GNA15: variants seen among roughly 807,000 people sequenced by gnomAD.
GNA15 encodes the protein guanine nucleotide-binding protein subunit alpha-15.
GNA15 carries 23 observed loss-of-function variants against 40.1 expected under a neutral mutation model. That is an observed-to-expected ratio of 0.57 (90% CI 0.41 to 0.81). The LOEUF is 0.81. Among genes scored for constraint, GNA15 ranks in the 40% least tolerant of loss-of-function variants. The pLI is 0.00. For synonymous variants in GNA15, 226 were observed against 210.4 expected (o/e 1.07, Z -0.64); for missense variants, 522 against 515.8 (o/e 1.01, Z -0.12).
At chr19:3,158,984 G>T (rs1915088102) in intron 6 of GNA15, among the ~76,000 whole-genome samples, 1 of 151,658 alleles carries the variant, frequency 6.6e-6, no homozygotes, top group Non-Finnish European at 1.5e-5. Context: ...TCCCTAATTG[G>T]ATAGCAATTT....
At position 3,148,665 on chromosome 19, in the gene GNA15, G is replaced by C. The variant is rs573354292; in HGVS notation, c.220G>C (p.Glu74Gln). 1 of 1,592,444 alleles carries C rather than the reference G, an allele frequency of 6.3e-7. No homozygotes were observed. Among genetic ancestry groups the C allele is most frequent in the Non-Finnish European group, 8.5e-7 (1 of 1,169,678 alleles). ...IIHGAGYSEE[E>Q]RKGFRPLVYQ... ...CCACGGCGCCGGCTACTCGGAGGAGGAGCGCAAGGGCTTCCGGCCCCTGGT... is the reference window on the plus strand; with the variant it reads ...CCACGGCGCCGGCTACTCGGAGGAGCAGCGCAAGGGCTTCCGGCCCCTGGT... Residue 74 changes from glutamate (E) to glutamine (Q), a missense_variant, in exon 2 of 7, where the codon GAG (glutamate) becomes CAG (glutamine). Physicochemically the swap from Glu to Gln is conservative, Grantham distance 29. Transcript: ENST00000262958.
chr19:3,144,534 T>C (rs910376261), intron 1 of GNA15, among the ~76,000 whole-genome samples: 1 of 150,770 alleles, frequency 6.6e-6, no homozygotes, highest in African/African-American at 2.4e-5. Flanking sequence ...TTATATTTTA[T>C]TTATTTTTTT....
rs369180412 is a variant in GNA15 at position 3,136,982 on chromosome 19, G to A, written c.145+387G>A. On this transcript the variant is annotated intron_variant, in intron 1 of 6. Coordinates refer to ENST00000262958, the MANE Select transcript of GNA15 (RefSeq NM_002068.4). This position sits in a 1 kb window ranked among gnomAD's most constrained non-coding sequence, Gnocchi z 4.9. ...CCAGCCCACCCGTAAGGGAGGGGCCGGCTCCAGCCTCTCCTTCACCAGGAC... is the reference window on the plus strand; with the variant it reads ...CCAGCCCACCCGTAAGGGAGGGGCCAGCTCCAGCCTCTCCTTCACCAGGAC... 9.8e-5 allele frequency among the ~76,000 whole-genome samples: 15 copies of A among 152,318 alleles called. No individual in the cohort carries two copies. The highest frequency in any genetic ancestry group is 3.4e-4 in the African/African-American group (14 of 41,582).
chr19:3,149,032 G>GGC lies in GNA15; in HGVS notation c.330+257_330+258insGC, dbSNP rs1555706379. ...GCACACGCACAGACATGCACACAAG[G>GGC]ACACACACGTACATGCTCACAAAGA... On this transcript the variant is annotated intron_variant, in intron 2 of 6. Coordinates refer to ENST00000262958, the MANE Select transcript of GNA15 (RefSeq NM_002068.4). 39 of 403,764 alleles carry GGC rather than the reference G, an allele frequency of 9.7e-5. No individual in the cohort carries two copies. In the African/African-American group the frequency reaches 1.4e-3, roughly 15 times the overall value. The allele number at this position is 403,764 out of a possible 1,614,324, so 25.0% of individuals were successfully genotyped here.
Position 3,151,482 on chromosome 19 carries a change from C to T in GNA15, c.486-225C>T, listed in dbSNP as rs150399018. On this transcript the variant is annotated intron_variant, in intron 3 of 6. Transcript: ENST00000262958. This position sits in a 1 kb window ranked among gnomAD's most constrained non-coding sequence, Gnocchi z 5.0. ...CTCGATGAGGCCATTCCTCATGTCA[C>T]GCCATCCCTCGGGTCACCCTGCTCT... Among the ~76,000 whole-genome samples, 2,287 of 152,244 alleles carry T rather than the reference C, an allele frequency of 0.015. 29 individuals carry two copies. Among genetic ancestry groups the T allele is most frequent in the Non-Finnish European group, 0.021 (1,442 of 68,000 alleles).
chr19:3,145,432 C>T lies in GNA15; in HGVS notation c.146-3159C>T, dbSNP rs188282364. ...GTCTTGAACTCCTTGGCCCAAGCCGCCCCCCTCCCTTAGCTTCCCAAAGCA... is the reference window on the plus strand; with the variant it reads ...GTCTTGAACTCCTTGGCCCAAGCCGTCCCCCTCCCTTAGCTTCCCAAAGCA... On this transcript the variant is annotated intron_variant, in intron 1 of 6. Coordinates refer to ENST00000262958, the MANE Select transcript of GNA15 (RefSeq NM_002068.4). Among the ~76,000 whole-genome samples, 26 of 135,600 alleles carry T rather than the reference C, an allele frequency of 1.9e-4. 1 individual carries two copies. Among genetic ancestry groups the T allele is most frequent in the Middle Eastern group, 3.8e-3 (1 of 264 alleles). 89.0% of individuals were successfully genotyped at this position (135,600 alleles called of 152,430 possible).
At chr19:3,152,547 A>G (rs746460155) in intron 4 of GNA15, among the ~76,000 whole-genome samples, 8 of 152,088 alleles carry the variant, frequency 5.3e-5, no homozygotes, top group Non-Finnish European at 1.2e-4. Flanking sequence ...AGAGGTGGGA[A>G]TGGCCAGTGC....
Position 3,155,796 on chromosome 19 carries a change from G to C in GNA15, c.615-27G>C, listed in dbSNP as rs1369440535. 5.0e-6 allele frequency: 8 copies of C among 1,608,322 alleles called. No homozygotes were observed. The highest frequency in any genetic ancestry group is 2.7e-5 in the African/African-American group (2 of 74,912). ...GTCACGGAGCAGGCTCCTGAGCTCTGAAAGGGGGCACCTCGGTTCCCTGTA... is the reference window on the plus strand; with the variant it reads ...GTCACGGAGCAGGCTCCTGAGCTCTCAAAGGGGGCACCTCGGTTCCCTGTA... On this transcript the variant is annotated intron_variant, in intron 4 of 6. Coordinates refer to ENST00000262958, the MANE Select transcript of GNA15 (RefSeq NM_002068.4). This position sits in a 1 kb window ranked among gnomAD's most constrained non-coding sequence, Gnocchi z 5.6.
intron 4 of GNA15, among the ~76,000 whole-genome samples, chr19:3,153,727 G>A (rs1176537067): frequency 4.1e-5 from 6 of 146,160 alleles, no homozygotes; most frequent in African/African-American, 1.5e-4. Flanking sequence ...TGGATGAATG[G>A]GTGGGTGAAT....
At position 3,136,752 on chromosome 19, in the gene GNA15, C is replaced by T. The variant is rs1914467786; in HGVS notation, c.145+157C>T. Among the ~76,000 whole-genome samples the T allele has an allele frequency of 6.6e-6, 1 of 152,206 alleles. No homozygotes were observed. Among genetic ancestry groups the T allele is most frequent in the Non-Finnish European group, 1.5e-5 (1 of 68,032 alleles). ...AATGGGGAGCCTGGAACCCATTTTC[C>T]AGATGAGAAAGACTGAGGTTCAGAG... On this transcript the variant is annotated intron_variant, in intron 1 of 6. Transcript: ENST00000262958. This position sits in a 1 kb window ranked among gnomAD's most constrained non-coding sequence, Gnocchi z 4.9.
At chr19:3,156,163 G>GACACACACACACACAC (rs141415003) in intron 5 of GNA15, among the ~76,000 whole-genome samples, 1 of 136,042 alleles carries the variant, frequency 7.4e-6, no homozygotes, top group African/African-American at 2.7e-5. Context: ...CAGGACCCCA[G>GACACACACACACACAC]ACACACACAC....
At chr19:3,143,693 C>G (rs1176364422) in intron 1 of GNA15, among the ~76,000 whole-genome samples, 2 of 152,040 alleles carry the variant, frequency 1.3e-5, no homozygotes, top group Admixed American at 1.3e-4. Context: ...CCCATAGGCT[C>G]TAGACTCAAA....
chr19:3,157,791 A>C lies in GNA15; in HGVS notation c.808A>C (p.Thr270Pro). The C allele has an allele frequency of 6.2e-7, 1 of 1,613,530 alleles. No homozygotes were observed. ...TILELPWFKS[T>P]SVILFLNKTD... is the part of the protein sequence containing the mutation. ...CCTGGAACTACCCTGGTTCAAAAGC[A>C]CATCCGTCATCCTCTTTCTCAACAA... Residue 270 changes from threonine (T) to proline (P), a missense_variant, in exon 6 of 7, where the codon ACA becomes CCA. Physicochemically the swap from Thr to Pro is conservative, Grantham distance 38 (BLOSUM62 -1). Coordinates refer to ENST00000262958, the MANE Select transcript of GNA15 (RefSeq NM_002068.4).
chr19:3,163,058 G>A lies in GNA15; in HGVS notation c.*39G>A, dbSNP rs1915176835. 7.6e-7 allele frequency: 1 copy of A among 1,322,538 alleles called. No homozygotes were observed. The highest frequency in any genetic ancestry group is 1.1e-6 in the Non-Finnish European group (1 of 917,404). 81.9% of individuals were successfully genotyped at this position (1,322,538 alleles called of 1,614,324 possible). On this transcript the variant is annotated 3_prime_UTR_variant, in exon 7 of 7. Coordinates refer to ENST00000262958, the MANE Select transcript of GNA15 (RefSeq NM_002068.4). ...TGGGGCAGGCGGCACCGGCGGGCGG[G>A]TGGGAGGTGGGAGTGGCTGCAGGGA...
At chr19:3,152,706 C>T (rs1914907269) in intron 4 of GNA15, among the ~76,000 whole-genome samples, 1 of 152,176 alleles carries the variant, frequency 6.6e-6, no homozygotes, top group Admixed American at 6.5e-5. Context: ...TTTCCATGGG[C>T]TGATGGCGGG....
At chr19:3,156,203 CT>C (rs1453963095) in intron 5 of GNA15, among the ~76,000 whole-genome samples, 4,150 of 126,076 alleles carry the variant, frequency 0.033, 70 homozygotes, top group South Asian at 0.051. Flanking sequence ...CACACACACA[CT>C]ACAGTGCACA....
chr19:3,162,891 G>A lies in GNA15; in HGVS notation c.997G>A (p.Gly333Ser). 1 of 1,613,796 alleles carries A rather than the reference G, an allele frequency of 6.2e-7. No homozygotes were observed. The highest frequency in any genetic ancestry group is 8.5e-7 in the Non-Finnish European group (1 of 1,179,712). The change falls in exon 7 of 7, where the codon GGC (glycine) becomes AGC (serine). Residue 333 changes from glycine to serine, a missense_variant. By Grantham distance (56) the Gly-to-Ser change is moderately conservative. Coordinates refer to ENST00000262958, the MANE Select transcript of GNA15 (RefSeq NM_002068.4). The part of the protein sequence containing the change: ...CVDGPEGSKK[G>S]ARSRRLFSHY... ...GGACGGCCCCGAGGGCAGCAAGAAG[G>A]GCGCACGATCCCGACGCCTCTTCAG...
At position 3,163,236 on chromosome 19, in the gene GNA15, C is replaced by T; in HGVS notation, c.*217C>T. 3.5e-6 allele frequency: 2 copies of T among 577,652 alleles called. No individual in the cohort carries two copies. The highest frequency in any genetic ancestry group is 4.2e-5 in the South Asian group (2 of 47,250). 35.8% of individuals were successfully genotyped at this position (577,652 alleles called of 1,614,324 possible). The stretch of plus-strand genomic sequence containing the variant: ...TGCCCTTGCTTGACTCAGTTTCCCT[C>T]CTTTGAAAGGGAAGGAGCAAAACGG... On this transcript the variant is annotated 3_prime_UTR_variant, in exon 7 of 7. Coordinates refer to ENST00000262958, the MANE Select transcript of GNA15 (RefSeq NM_002068.4).
At chr19:3,152,446 G>A (rs180886366) in intron 4 of GNA15, among the ~76,000 whole-genome samples, 3 of 152,170 alleles carry the variant, frequency 2.0e-5, no homozygotes, top group Non-Finnish European at 4.4e-5. Flanking sequence ...CAGTGGAGCC[G>A]GTGGGCTAGA....
Sources: gnomAD v4.1 joint callset for allele counts (sites outside exome capture counted in the v4.1 genomes callset) on GRCh38, gnomAD v4.1.1 for gene constraint, Gnocchi (gnomAD v3.1) non-coding constraint, MANE v1.5 for transcripts, NCBI Gene and HGNC (gene_info 2026-07-23, HGNC 2026-07-21) for gene names.